The following ARHGAP26 variants were observed in gnomAD, a reference collection of about 807,000 sequenced individuals.
ARHGAP26 encodes Rho GTPase activating protein 26.
A neutral mutation model predicts 104.8 loss-of-function variants in ARHGAP26; 38 were observed. The observed-to-expected ratio is 0.36, with a 90% CI of 0.28 to 0.48. The LOEUF (loss-of-function observed/expected upper bound fraction) is 0.48, where lower values mean the gene tolerates loss of function less well. Among genes scored for constraint, ARHGAP26 ranks in the 20% least tolerant of loss-of-function variants. The pLI is 0.99. For missense variants in ARHGAP26, 704 were observed against 947.9 expected (o/e 0.74, Z 3.38); for synonymous variants, 341 against 340.0 (o/e 1.00, Z -0.03).
chr5:143,041,300 A>G lies in ARHGAP26; in HGVS notation c.1211-516A>G, dbSNP rs370992103. Among the ~76,000 whole-genome samples, 3 of 152,328 alleles carry G rather than the reference A, an allele frequency of 2.0e-5. No homozygotes were observed. In the South Asian group the frequency reaches 6.2e-4, roughly 32 times the overall value. On this transcript the variant is annotated intron_variant, in intron 13 of 22. Transcript: ENST00000645722. ...ATAAAGGTGGTCTTTTTTGATAAAG[A>G]ATATTTGTATTATAAATGAATGGAT...
At chr5:142,797,529 AT>A (rs1761229454) in intron 1 of ARHGAP26, among the ~76,000 whole-genome samples, 1 of 152,050 alleles carries the variant, frequency 6.6e-6, no homozygotes, top group Non-Finnish European at 1.5e-5. Context: ...TCACAGGGTG[AT>A]TTTTTGTATC....
At chr5:143,001,420 T>G (rs947687164) in intron 11 of ARHGAP26, among the ~76,000 whole-genome samples, 1 of 152,238 alleles carries the variant, frequency 6.6e-6, no homozygotes, top group Non-Finnish European at 1.5e-5. Flanking sequence ...TCTTAAAATT[T>G]ATTAAAAAGC....
intron 11 of ARHGAP26, among the ~76,000 whole-genome samples, chr5:142,968,985 G>A (rs772302641): frequency 7.2e-5 from 11 of 152,172 alleles, no homozygotes; most frequent in East Asian, 3.8e-4. Flanking sequence ...AGACTGGAGC[G>A]CAGTGGCGCA....
intron 11 of ARHGAP26, among the ~76,000 whole-genome samples, chr5:142,958,508 T>C (rs1769624938): frequency 6.6e-6 from 1 of 151,112 alleles, no homozygotes; most frequent in Non-Finnish European, 1.5e-5. Context: ...CTTTACAAAA[T>C]ATAAAACAAA....
chr5:143,044,002 A>G (rs1449898955), intron 14 of ARHGAP26, among the ~76,000 whole-genome samples: 1 of 152,246 alleles, frequency 6.6e-6, no homozygotes, highest in Non-Finnish European at 1.5e-5. Flanking sequence ...AGGCTGGGAC[A>G]GGAGAGTTTT....
chr5:143,018,930 T>C (rs1322687418), intron 12 of ARHGAP26, among the ~76,000 whole-genome samples: 1 of 152,236 alleles, frequency 6.6e-6, no homozygotes, highest in East Asian at 1.9e-4. Context: ...AGTTGACACC[T>C]TTGTAATATT....
chr5:143,163,405 G>A (rs1801507998), intron 20 of ARHGAP26, among the ~76,000 whole-genome samples: 1 of 151,946 alleles, frequency 6.6e-6, no homozygotes, highest in African/African-American at 2.4e-5. Flanking sequence ...TGGTCTTATT[G>A]CTGTGAGTTG....
chr5:143,214,762 G>C (rs1239966339), intron 22 of ARHGAP26, among the ~76,000 whole-genome samples: 1 of 152,228 alleles, frequency 6.6e-6, no homozygotes, highest in Admixed American at 6.5e-5. Flanking sequence ...ACAAGGCACA[G>C]AACATGAGGG....
At chr5:143,167,307 TA>T (rs35142931) in intron 20 of ARHGAP26, among the ~76,000 whole-genome samples, 31,088 of 96,880 alleles carry the variant, frequency 0.32, 5,731 homozygotes, top group East Asian at 0.44. Context: ...ATCTCTACTT[TA>T]AAAAAAAAAA....
chr5:142,829,861 G>T (rs1457197539), intron 1 of ARHGAP26, among the ~76,000 whole-genome samples: 1 of 152,182 alleles, frequency 6.6e-6, no homozygotes, highest in Non-Finnish European at 1.5e-5. Flanking sequence ...GCATGCAGGG[G>T]ATGAGCTGAT....
chr5:142,795,924 C>T (rs1406763894), intron 1 of ARHGAP26, among the ~76,000 whole-genome samples: 1 of 152,192 alleles, frequency 6.6e-6, no homozygotes, highest in African/African-American at 2.4e-5. Flanking sequence ...TTAAGACTTT[C>T]TCAAATGTCA....
chr5:142,932,554 G>C (rs781628307), intron 11 of ARHGAP26, among the ~76,000 whole-genome samples: 13 of 152,166 alleles, frequency 8.5e-5, no homozygotes, highest in Non-Finnish European at 1.8e-4. Flanking sequence ...ATCTTGTGAC[G>C]TGTAAAATCC....
chr5:143,134,716 CT>C (rs1196952136), intron 19 of ARHGAP26, among the ~76,000 whole-genome samples: 1 of 152,230 alleles, frequency 6.6e-6, no homozygotes, highest in Admixed American at 6.5e-5. Context: ...TTTCTGAGTT[CT>C]TTGCAATGAT....
intron 1 of ARHGAP26, among the ~76,000 whole-genome samples, chr5:142,851,626 G>A (rs1337631228): frequency 6.6e-6 from 1 of 152,164 alleles, no homozygotes; most frequent in African/African-American, 2.4e-5. Flanking sequence ...TGGAACTGGT[G>A]TCTCCCTGGC....
intron 20 of ARHGAP26, among the ~76,000 whole-genome samples, chr5:143,149,089 G>A (rs1475599310): frequency 6.6e-6 from 1 of 152,022 alleles, no homozygotes; most frequent in Non-Finnish European, 1.5e-5. Flanking sequence ...TTGTTTTTTA[G>A]GTGTCTAGAT....
chr5:142,813,579 G>T (rs1173271665), intron 1 of ARHGAP26, among the ~76,000 whole-genome samples: 1 of 152,226 alleles, frequency 6.6e-6, no homozygotes, highest in Non-Finnish European at 1.5e-5. Flanking sequence ...GAGGCTAGAA[G>T]TCAGATCAAG....
chr5:143,031,603 G>A (rs561804525), intron 12 of ARHGAP26, among the ~76,000 whole-genome samples: 1 of 150,352 alleles, frequency 6.7e-6, no homozygotes, highest in East Asian at 1.9e-4. Flanking sequence ...GCTGGGAGGA[G>A]CCAGTGAAAA....
intron 1 of ARHGAP26, among the ~76,000 whole-genome samples, chr5:142,774,957 GT>G (rs1755996735): frequency 6.6e-6 from 1 of 151,930 alleles, no homozygotes; most frequent in African/African-American, 2.4e-5. Flanking sequence ...TTATCTAGAT[GT>G]GCCATAGTTT....
intron 18 of ARHGAP26, among the ~76,000 whole-genome samples, chr5:143,130,408 A>C (rs1342932983): frequency 2.0e-5 from 3 of 152,224 alleles, no homozygotes; most frequent in African/African-American, 7.2e-5. Flanking sequence ...TTAACAGGGC[A>C]CTTGGGGCAG....
Sources: gnomAD v4.1 joint callset for allele counts (sites outside exome capture counted in the v4.1 genomes callset) on GRCh38, gnomAD v4.1.1 for gene constraint, MANE v1.5 for transcripts, NCBI Gene and HGNC (gene_info 2026-07-23, HGNC 2026-07-21) for gene names.